DIAPH2: variants seen among roughly 807,000 people sequenced by gnomAD.
The protein encoded by DIAPH2 is diaphanous related formin 2, also known as protein diaphanous homolog 2.
A neutral mutation model predicts 92.7 loss-of-function variants in DIAPH2; 35 were observed. That is an observed-to-expected ratio of 0.38 (90% CI 0.29 to 0.50). The LOEUF (loss-of-function observed/expected upper bound fraction) is 0.50, where lower values mean the gene tolerates loss of function less well. Among genes scored for constraint, DIAPH2 ranks in the 20% least tolerant of loss-of-function variants. The probability of loss-of-function intolerance (pLI) is 0.94; values close to 1 mark genes in which losing one functional copy is unlikely to be tolerated. For synonymous variants in DIAPH2, 301 were observed against 280.4 expected (o/e 1.07, Z -0.73); for missense variants, 701 against 819.5 (o/e 0.86, Z 1.77).
At chrX:97,345,764 T>A (rs971942957) in intron 23 of DIAPH2, among the ~76,000 whole-genome samples, 2 of 111,727 alleles carry the variant, frequency 1.8e-5, no homozygotes, top group African/African-American at 6.5e-5. Flanking sequence ...CCTTTTTTCT[T>A]TATGGTTAGT....
chrX:96,970,654 C>T (rs935717266), intron 17 of DIAPH2, among the ~76,000 whole-genome samples: 4 of 110,325 alleles, frequency 3.6e-5, no homozygotes, highest in East Asian at 2.9e-4. Flanking sequence ...ATCTAGGTAG[C>T]GGTCCATTTA....
At chrX:96,774,602 T>C (rs961357602) in intron 4 of DIAPH2, among the ~76,000 whole-genome samples, 2 of 112,034 alleles carry the variant, frequency 1.8e-5, no homozygotes. Flanking sequence ...AGGAAAAAGA[T>C]ACATAAATAT....
Position 96,966,078 on chromosome X carries a change from TAGAG to T in DIAPH2, c.2050+874_2050+877del, listed in dbSNP as rs1168371759. Among the ~76,000 whole-genome samples the T allele has an allele frequency of 2.7e-5, 3 of 111,541 alleles. No individual in the cohort carries two copies. The Admixed American group carries it at 2.9e-4, about 11-fold the overall frequency. On this transcript the variant is annotated intron_variant, in intron 17 of 26. Coordinates refer to ENST00000324765, the MANE Select transcript of DIAPH2 (RefSeq NM_006729.5). ...ATATGAGAATATAAATTTTGGAAGATAGAGAGGTGTGAAAATTAGTTTCTTTTTT... is the reference window on the plus strand; with the variant it reads ...ATATGAGAATATAAATTTTGGAAGATAGGTGTGAAAATTAGTTTCTTTTTT...
chrX:97,241,771 ATTTT>A (rs141923182), intron 22 of DIAPH2, among the ~76,000 whole-genome samples: 13 of 50,974 alleles, frequency 2.6e-4, no homozygotes, highest in African/African-American at 6.3e-4. Context: ...AAGTAGGCTG[ATTTT>A]TTTTTTTTTT....
At chrX:97,089,492 C>A (rs996286576) in intron 19 of DIAPH2, among the ~76,000 whole-genome samples, 1 of 111,699 alleles carries the variant, frequency 9.0e-6, no homozygotes. Flanking sequence ...AAACTCTGCT[C>A]AACCAACATA....
intron 4 of DIAPH2, among the ~76,000 whole-genome samples, chrX:96,876,251 C>T: frequency 9.0e-6 from 1 of 111,234 alleles, no homozygotes. Context: ...ATTAAAAAGT[C>T]AGGAAACAAC....
intron 26 of DIAPH2, among the ~76,000 whole-genome samples, chrX:97,464,262 C>T (rs1421781746): frequency 1.1e-5 from 1 of 91,020 alleles, no homozygotes; most frequent in Non-Finnish European, 2.1e-5. Flanking sequence ...CAGATCGAGA[C>T]CATCCTGGCT....
In DIAPH2 at chrX:97,590,259, A is replaced by T. The variant is rs182725083; in HGVS notation, c.3242-8994A>T. Among the ~76,000 whole-genome samples, 78 of 112,022 alleles carry T rather than the reference A, an allele frequency of 7.0e-4. No homozygotes were observed. The Middle Eastern group carries it at 0.028, about 40-fold the overall frequency. Reference sequence around the variant, plus strand: ...GCTGAAACTAGCGAGCCTGCATATCAAGGGTACCTGGGCTTACTTAAGCTG... The same window carrying T: ...GCTGAAACTAGCGAGCCTGCATATCTAGGGTACCTGGGCTTACTTAAGCTG... On this transcript the variant is annotated intron_variant, in intron 26 of 26. Transcript: ENST00000324765.
chrX:97,160,525 GAT>G (rs776799150), intron 22 of DIAPH2, among the ~76,000 whole-genome samples: 2 of 111,129 alleles, frequency 1.8e-5, no homozygotes, highest in Non-Finnish European at 3.8e-5. Context: ...AACAGTGTCA[GAT>G]ATATATATAT....
intron 10 of DIAPH2, among the ~76,000 whole-genome samples, chrX:96,933,347 T>G (rs1031667461): frequency 1.8e-5 from 2 of 108,148 alleles, no homozygotes; most frequent in Non-Finnish European, 3.8e-5. Flanking sequence ...CTTTCTTTTT[T>G]GAGACAGGGT....
intron 26 of DIAPH2, among the ~76,000 whole-genome samples, chrX:97,581,038 C>T (rs1473921215): frequency 7.0e-5 from 7 of 100,546 alleles, no homozygotes; most frequent in African/African-American, 1.4e-4. Flanking sequence ...TTTTTTATTG[C>T]GTCTATTTGA....
At chrX:97,537,978 G>A (rs1027941734) in intron 26 of DIAPH2, among the ~76,000 whole-genome samples, 169 of 105,682 alleles carry the variant, frequency 1.6e-3, no homozygotes, top group Non-Finnish European at 2.9e-3. Flanking sequence ...TCCGCCTCCC[G>A]GGTTCACGCC....
At chrX:97,510,298 A>G (rs2070877093) in intron 26 of DIAPH2, among the ~76,000 whole-genome samples, 1 of 111,647 alleles carries the variant, frequency 9.0e-6, no homozygotes, top group Admixed American at 9.4e-5. Context: ...TTGGCTGCAT[A>G]AATGTCTTCT....
intron 23 of DIAPH2, among the ~76,000 whole-genome samples, chrX:97,266,629 A>C (rs1356561265): frequency 2.7e-5 from 3 of 112,257 alleles, no homozygotes; most frequent in Non-Finnish European, 5.6e-5. Context: ...GTGGGGTGGG[A>C]GTAAAAGAAA....
intron 15 of DIAPH2, among the ~76,000 whole-genome samples, chrX:96,955,254 G>A (rs907983066): frequency 9.0e-6 from 1 of 111,370 alleles, no homozygotes; most frequent in Non-Finnish European, 1.9e-5. Context: ...CAAGCAAAAG[G>A]GGAAAAGCCT....
intron 22 of DIAPH2, among the ~76,000 whole-genome samples, chrX:97,202,364 G>A (rs1483900050): frequency 2.7e-5 from 3 of 111,484 alleles, no homozygotes; most frequent in Non-Finnish European, 3.8e-5. Flanking sequence ...AGACACAGAC[G>A]GGCAAATTGG....
intron 1 of DIAPH2, among the ~76,000 whole-genome samples, chrX:96,733,274 A>C (rs2147563474): frequency 8.9e-6 from 1 of 112,091 alleles, no homozygotes; most frequent in Non-Finnish European, 1.9e-5. Context: ...GAATATGTGG[A>C]GGGAGGCAGA....
At chrX:96,958,204 T>C in intron 16 of DIAPH2, 56 bp downstream of exon 16, 1 of 1,149,358 alleles carries the variant, frequency 8.7e-7, no homozygotes, top group South Asian at 2.0e-5. Context: ...ATCATTGCTA[T>C]GTGTACACAT....
chrX:97,369,441 C>CT (rs1318565718), intron 24 of DIAPH2, among the ~76,000 whole-genome samples: 1 of 47,793 alleles, frequency 2.1e-5, no homozygotes, highest in Admixed American at 2.7e-4. Flanking sequence ...CTTCATTGCC[C>CT]TTACCAGCAA....
Sources: gnomAD v4.1 joint callset for allele counts (sites outside exome capture counted in the v4.1 genomes callset) on GRCh38, gnomAD v4.1.1 for gene constraint, MANE v1.5 for transcripts, NCBI Gene and HGNC (gene_info 2026-07-23, HGNC 2026-07-21) for gene names.